The following ZNF385C variants were observed in gnomAD, a reference collection of about 807,000 sequenced individuals.
ZNF385C encodes the protein zinc finger protein 385C.
Under a neutral mutation model 35.4 loss-of-function variants are expected in ZNF385C, and 28 were observed. That is an observed-to-expected ratio of 0.79 (90% CI 0.59 to 1.08). The LOEUF is 1.08. Among genes scored for constraint, ZNF385C ranks in the 50% least tolerant of loss-of-function variants. The pLI, the probability that ZNF385C is intolerant of heterozygous loss-of-function variation, is 0.00. For missense variants in ZNF385C, 605 were observed against 595.6 expected, an observed-to-expected ratio of 1.02 and a Z score of -0.16; for synonymous variants, 248 against 248.2, an observed-to-expected ratio of 1.00 and a Z score of 0.01.
intron 1 of ZNF385C, 51 bp from the exon 2 acceptor site, chr17:42,063,109 TAG>T (rs547201273): frequency 6.9e-6 from 4 of 580,300 alleles, no homozygotes; most frequent in Non-Finnish European, 1.2e-5. Context: ...TGCGAATTCT[TAG>T]AGAGAGCAGG....
chr17:42,081,767 C>T (rs1246238378), intron 1 of ZNF385C, among the ~76,000 whole-genome samples: 4 of 152,168 alleles, frequency 2.6e-5, no homozygotes, highest in Non-Finnish European at 5.9e-5. Context: ...ACAGTGAAAG[C>T]CTCATGCCCA....
At chr17:42,086,100 T>G (rs1555660106) in intron 1 of ZNF385C, among the ~76,000 whole-genome samples, 1 of 151,896 alleles carries the variant, frequency 6.6e-6, no homozygotes, top group Non-Finnish European at 1.5e-5. Flanking sequence ...AAATTTAAAT[T>G]TAAAAAACCG....
chr17:42,040,740 C>G, intron 2 of ZNF385C: 2 of 1,232,382 alleles, frequency 1.6e-6, no homozygotes, highest in Non-Finnish European at 2.0e-6. Flanking sequence ...GCTCAGGGAC[C>G]AAGTGGGAAC....
At chr17:42,040,483 A>C in intron 2 of ZNF385C, 3 of 1,232,372 alleles carry the variant, frequency 2.4e-6, no homozygotes, top group Non-Finnish European at 3.0e-6. Flanking sequence ...TGCCTGCAGG[A>C]CAAGGGAGAG....
intron 2 of ZNF385C, among the ~76,000 whole-genome samples, chr17:42,042,158 G>C (rs1272841187): frequency 3.9e-5 from 6 of 152,064 alleles, no homozygotes; most frequent in African/African-American, 1.2e-4. Flanking sequence ...GATTGCTTGA[G>C]GCCAGGAGCC....
chr17:42,057,077 A>G (rs1311919889), intron 2 of ZNF385C, among the ~76,000 whole-genome samples: 1 of 152,106 alleles, frequency 6.6e-6, no homozygotes, highest in Non-Finnish European at 1.5e-5. Flanking sequence ...TAAAAGATGC[A>G]GTGAGCTATG....
rs1256855657 is a variant in ZNF385C at position 42,050,198 on chromosome 17, T to C, written c.251-12313A>G. ...ACAACTTGACAAGGACCCCAAGGCATGTAAGCCTCAAACAGTATTCATGTG... is the reference window on the plus strand; with the variant it reads ...ACAACTTGACAAGGACCCCAAGGCACGTAAGCCTCAAACAGTATTCATGTG... On this transcript the variant is annotated intron_variant, in intron 2 of 8. Transcript: ENST00000692273. The surrounding 1 kb of genome is among the most constrained non-coding windows in gnomAD (Gnocchi z 5.6). Among the ~76,000 whole-genome samples the C allele has an allele frequency of 1.3e-5, 2 of 152,188 alleles. No homozygotes were observed. The highest frequency in any genetic ancestry group is 4.8e-5 in the African/African-American group (2 of 41,454).
intron 1 of ZNF385C, among the ~76,000 whole-genome samples, chr17:42,088,530 G>C (rs1259264976): frequency 1.3e-5 from 2 of 152,252 alleles, no homozygotes; most frequent in East Asian, 3.8e-4. Context: ...CGGGACTCGA[G>C]GTAGGTGGAT....
intron 1 of ZNF385C, among the ~76,000 whole-genome samples, chr17:42,081,186 C>T (rs1384945756): frequency 1.3e-5 from 2 of 152,070 alleles, no homozygotes; most frequent in Middle Eastern, 3.2e-3. Flanking sequence ...GAAGGATGGG[C>T]GCAGACAATA....
At chr17:42,032,845 T>C (rs2052761983) in intron 4 of ZNF385C, among the ~76,000 whole-genome samples, 1 of 151,832 alleles carries the variant, frequency 6.6e-6, no homozygotes, top group Admixed American at 6.6e-5. Flanking sequence ...CCCGAGTAGC[T>C]GGGATTACAG....
Position 42,025,921 on chromosome 17 carries a change from C to G in ZNF385C, c.*976G>C, listed in dbSNP as rs1420248090. 6.6e-6 allele frequency: 1 copy of G among 152,142 alleles called. No homozygotes were observed. The highest frequency in any genetic ancestry group is 1.5e-5 in the Non-Finnish European group (1 of 68,082). The allele number at this position is 152,142 out of a possible 1,614,324, so 9.4% of individuals were successfully genotyped here. ...GCTAGGACCAGTTTGGAGTGGGAAG[C>G]TGTAGGGGAAAGCTCTTCCTTTGGG... On this transcript the variant is annotated 3_prime_UTR_variant, in exon 9 of 9. Transcript: ENST00000692273.
At chr17:42,056,289 C>T (rs1444802823) in intron 2 of ZNF385C, among the ~76,000 whole-genome samples, 2 of 152,214 alleles carry the variant, frequency 1.3e-5, no homozygotes, top group African/African-American at 4.8e-5. Context: ...GTTGAGCACA[C>T]CAAGGGACAG....
intron 1 of ZNF385C, among the ~76,000 whole-genome samples, chr17:42,070,126 T>C (rs937150733): frequency 6.6e-6 from 1 of 151,960 alleles, no homozygotes; most frequent in South Asian, 2.1e-4. Context: ...GGGCGGATCA[T>C]GAGGTCAGGA....
chr17:42,039,641 T>C (rs1232351446), intron 2 of ZNF385C: 8 of 1,213,654 alleles, frequency 6.6e-6, no homozygotes, highest in Non-Finnish European at 8.2e-6. Flanking sequence ...CATGGTCAAG[T>C]CTAGGTTGGC....
chr17:42,097,094 G>A (rs939230233), intron 1 of ZNF385C, among the ~76,000 whole-genome samples: 1 of 151,994 alleles, frequency 6.6e-6, no homozygotes, highest in African/African-American at 2.4e-5. Flanking sequence ...GCCCTCGCCA[G>A]GCTCCAGGCA....
intron 8 of ZNF385C, 64 bp downstream of exon 8, chr17:42,027,554 G>GCCCCCCCCCCCCCCCCCCCCCCCCC: frequency 1.8e-6 from 1 of 556,882 alleles, no homozygotes. Context: ...CCCCCATCTG[G>GCCCCCCCCCCCCCCCCCCCCCCCCC]CCCTCCCAGC....
intron 1 of ZNF385C, among the ~76,000 whole-genome samples, chr17:42,071,961 G>A (rs2053629856): frequency 6.6e-6 from 1 of 152,202 alleles, no homozygotes; most frequent in South Asian, 2.1e-4. Flanking sequence ...GGGGCAGAGT[G>A]TTCTGGCCAG....
At chr17:42,065,022 AT>A (rs1240287710) in intron 1 of ZNF385C, 6 of 145,682 alleles carry the variant, frequency 4.1e-5, no homozygotes, top group African/African-American at 7.7e-5. Context: ...TGATTTTTGT[AT>A]TTTTTTTTAG....
At chr17:42,077,916 G>A (rs2053702136) in intron 1 of ZNF385C, among the ~76,000 whole-genome samples, 1 of 151,950 alleles carries the variant, frequency 6.6e-6, no homozygotes, top group Admixed American at 6.6e-5. Context: ...GCCACCATGT[G>A]CCCAGGGCGG....
Sources: gnomAD v4.1 joint callset for allele counts (sites outside exome capture counted in the v4.1 genomes callset) on GRCh38, gnomAD v4.1.1 for gene constraint, Gnocchi (gnomAD v3.1) non-coding constraint, MANE v1.5 for transcripts, NCBI Gene and HGNC (gene_info 2026-07-23, HGNC 2026-07-21) for gene names.